PCDHGA8: variants seen among roughly 807,000 people sequenced by gnomAD.
The protein encoded by PCDHGA8 is protocadherin gamma subfamily A, 8, also known as protocadherin gamma-A8.
In PCDHGA8, 45 loss-of-function variants were observed where a neutral mutation model predicts 59.2. That is an observed-to-expected ratio of 0.76 (90% confidence interval 0.60 to 0.98). The LOEUF is 0.98. PCDHGA8 is among the 50% of genes least tolerant of loss of function. The probability of loss-of-function intolerance (pLI) is 0.00; values close to 1 mark genes in which losing one functional copy is unlikely to be tolerated. For missense variants in PCDHGA8, 1,257 were observed against 1,196.2 expected (o/e 1.05, Z -0.75); for synonymous variants, 531 against 519.0 (o/e 1.02, Z -0.32).
intron 1 of PCDHGA8, among the ~76,000 whole-genome samples, chr5:141,438,619 TATATATATATATATATAC>T (rs1380852637): frequency 0.021 from 829 of 39,644 alleles, 15 homozygotes; most frequent in East Asian, 0.054. Context: ...TATATATATA[TATATATATATATATATAC>T]ACACACACAC....
chr5:141,508,777 AG>A (rs1428861784), intron 3 of PCDHGA8, among the ~76,000 whole-genome samples: 3 of 150,778 alleles, frequency 2.0e-5, no homozygotes, highest in Non-Finnish European at 4.4e-5. Context: ...TCCCCCCTCT[AG>A]CCCCTAAATC....
At chr5:141,410,473 A>G (rs1347318074) in intron 1 of PCDHGA8, 1 of 1,614,028 alleles carries the variant, frequency 6.2e-7, no homozygotes, top group East Asian at 2.2e-5. Context: ...TGTGCATTGC[A>G]CATACGGGTA....
In PCDHGA8 at chr5:141,410,849, CTTTTTTT is replaced by C. The variant is rs759346998; in HGVS notation, c.2424+15628_2424+15634del. 8.7e-3 allele frequency: 1,205 copies of C among 138,184 alleles called. 49 individuals are homozygous for C. Among genetic ancestry groups the C allele is most frequent in the African/African-American group, 0.064 (1,073 of 16,650 alleles). 8.6% of individuals were successfully genotyped at this position (138,184 alleles called of 1,614,324 possible). ...CAGACTGAAGATATTTTGTCTTTGT[CTTTTTTT>C]TTTTTTTTTTTTTTTGAGATGGAGT... is the stretch of plus-strand genomic sequence containing the variant. On this transcript the variant is annotated intron_variant, in intron 1 of 3. Coordinates refer to ENST00000398604, the MANE Select transcript of PCDHGA8 (RefSeq NM_032088.2).
At position 141,394,250 on chromosome 5, in the gene PCDHGA8, C is replaced by T. The variant is rs749533197; in HGVS notation, c.1437C>T (p.Pro479=). Residue 479 remains proline (P), a synonymous_variant, in exon 1 of 4, where the codon CCC becomes CCT. Transcript: ENST00000398604. ...TCTTTTCCTTGACTGCACACGACCCCGACAGCCAGGAGAATGCCCAGGTCA... is the reference window on the plus strand; with the variant it reads ...TCTTTTCCTTGACTGCACACGACCCTGACAGCCAGGAGAATGCCCAGGTCA... The part of the protein sequence containing the change: ...ASIFSLTAHD[P]DSQENAQVTY... 9.3e-6 allele frequency: 15 copies of T among 1,613,784 alleles called. No homozygotes were observed. Among genetic ancestry groups the T allele is most frequent in the Non-Finnish European group, 1.0e-5 (12 of 1,179,876 alleles).
chr5:141,477,639 G>T lies in PCDHGA8; in HGVS notation c.2425-17168G>T, dbSNP rs2099414883. ...GGAGCTGAAACCGGGCTAGTGGGTCGCTATTTCACAATAAATCGTGACAAT... is the reference window on the plus strand; with the variant it reads ...GGAGCTGAAACCGGGCTAGTGGGTCTCTATTTCACAATAAATCGTGACAAT... On this transcript the variant is annotated intron_variant, in intron 1 of 3. Transcript: ENST00000398604. The surrounding 1 kb of genome is among the most constrained non-coding windows in gnomAD (Gnocchi z 4.9). 3.1e-6 allele frequency: 5 copies of T among 1,614,004 alleles called. No homozygotes were observed. Among genetic ancestry groups the T allele is most frequent in the Non-Finnish European group, 4.2e-6 (5 of 1,180,034 alleles).
chr5:141,407,169 G>A (rs946090447), intron 1 of PCDHGA8, among the ~76,000 whole-genome samples: 3 of 152,146 alleles, frequency 2.0e-5, no homozygotes, highest in Non-Finnish European at 4.4e-5. Flanking sequence ...AATCCTTTAT[G>A]ACATACAGAC....
chr5:141,413,639 GT>G, intron 1 of PCDHGA8: 1 of 1,613,854 alleles, frequency 6.2e-7, no homozygotes, highest in South Asian at 1.1e-5. Context: ...GCGGGAATGC[GT>G]TTTCCTCTCC....
intron 1 of PCDHGA8, among the ~76,000 whole-genome samples, chr5:141,448,784 C>CAA (rs576464275): frequency 4.8e-5 from 7 of 145,806 alleles, no homozygotes; most frequent in East Asian, 2.0e-4. Context: ...ACTAAAAATA[C>CAA]AAAAAAAAAA....
In PCDHGA8 at chr5:141,433,177, A is replaced by T; in HGVS notation, c.2424+37940A>T. 1.9e-6 allele frequency: 3 copies of T among 1,608,174 alleles called. No homozygotes were observed. The Middle Eastern group carries it at 5.0e-4, about 267-fold the overall frequency. Reference sequence around the variant, plus strand: ...TATTTTCTAAAGACAGTCATGGGTTAATTGAGGTGAGTTTATATCAAATCT... The same window carrying T: ...TATTTTCTAAAGACAGTCATGGGTTTATTGAGGTGAGTTTATATCAAATCT... On this transcript the variant is annotated intron_variant, in intron 1 of 3. Coordinates refer to ENST00000398604, the MANE Select transcript of PCDHGA8 (RefSeq NM_032088.2).
chr5:141,394,158 C>G lies in PCDHGA8; in HGVS notation c.1345C>G (p.Pro449Ala), dbSNP rs777816337. 1.2e-5 allele frequency: 19 copies of G among 1,613,726 alleles called. No homozygotes were observed. The Admixed American group carries it at 2.0e-4, about 17-fold the overall frequency. The change falls in exon 1 of 4, where the codon CCT becomes GCT. Residue 449 changes from proline to alanine, a missense_variant. Pro to Ala is a conservative substitution (Grantham distance 27). Transcript: ENST00000398604. The part of the protein sequence containing the change: ...ALHVADINDN[P>A]PTFPHASYSA... ...GCACGTGGCAGACATTAACGACAAC[C>G]CTCCTACTTTCCCTCATGCCTCCTA...
Position 141,490,583 on chromosome 5 carries a change from A to G in PCDHGA8, c.2425-4224A>G, listed in dbSNP as rs2099701693. ...ATCAGGCTCAACATTTCAGATGTCAATGACAATGCACCCCGCTTCAACCAG... is the reference window on the plus strand; with the variant it reads ...ATCAGGCTCAACATTTCAGATGTCAGTGACAATGCACCCCGCTTCAACCAG... On this transcript the variant is annotated intron_variant, in intron 1 of 3. Coordinates refer to ENST00000398604, the MANE Select transcript of PCDHGA8 (RefSeq NM_032088.2). This position sits in a 1 kb window ranked among gnomAD's most constrained non-coding sequence, Gnocchi z 5.4. 2.5e-6 allele frequency: 4 copies of G among 1,614,138 alleles called. No homozygotes were observed. Among genetic ancestry groups the G allele is most frequent in the African/African-American group, 1.3e-5 (1 of 75,032 alleles).
chr5:141,438,767 T>C (rs1478209487), intron 1 of PCDHGA8, among the ~76,000 whole-genome samples: 2 of 148,566 alleles, frequency 1.3e-5, no homozygotes, highest in Non-Finnish European at 3.0e-5. Flanking sequence ...GTTCAAGCGA[T>C]TCTCCTGCCT....
chr5:141,431,333 C>G lies in PCDHGA8; in HGVS notation c.2424+36096C>G. 1.2e-6 allele frequency: 2 copies of G among 1,614,058 alleles called. No individual in the cohort carries two copies. The highest frequency in any genetic ancestry group is 2.2e-5 in the South Asian group (2 of 91,088). Reference sequence around the variant, plus strand: ...AAATGGAGCCGACGGTAGTAAGTACCCCGAATTGGTGCTGAAACGCGCCCT... The same window carrying G: ...AAATGGAGCCGACGGTAGTAAGTACGCCGAATTGGTGCTGAAACGCGCCCT... On this transcript the variant is annotated intron_variant, in intron 1 of 3. Coordinates refer to ENST00000398604, the MANE Select transcript of PCDHGA8 (RefSeq NM_032088.2). The surrounding 1 kb of genome is among the most constrained non-coding windows in gnomAD (Gnocchi z 4.8).
Position 141,393,196 on chromosome 5 carries a change from A to G in PCDHGA8, c.383A>G (p.Asp128Gly), listed in dbSNP as rs369051018. 9.7e-5 allele frequency: 157 copies of G among 1,613,374 alleles called. No individual in the cohort carries two copies. The highest frequency in any genetic ancestry group is 1.3e-4 in the Non-Finnish European group (149 of 1,179,898). Residue 128 changes from aspartate to glycine, a missense_variant, in exon 1 of 4, where the codon GAT becomes GGT. Physicochemically the swap from Asp to Gly is moderately conservative, Grantham distance 94. Coordinates refer to ENST00000398604, the MANE Select transcript of PCDHGA8 (RefSeq NM_032088.2). The part of the protein sequence containing the change: ...GVEIEIIDIN[D>G]NNPKFQVEDL... ...GAAATAGAAATAATTGATATTAACG[A>G]TAATAACCCAAAATTCCAGGTCGAA...
Position 141,500,858 on chromosome 5 carries a change from A to G in PCDHGA8, c.2484-4535A>G, listed in dbSNP as rs1160743056. Among the ~76,000 whole-genome samples the G allele has an allele frequency of 3.3e-5, 5 of 150,740 alleles. No individual in the cohort carries two copies. The South Asian group carries it at 1.0e-3, about 32-fold the overall frequency. ...TAATGGGCTTTTGCTACATTAGAAA[A>G]CATACACATTCATTTACAATTTTTT... On this transcript the variant is annotated intron_variant, in intron 2 of 3. Coordinates refer to ENST00000398604, the MANE Select transcript of PCDHGA8 (RefSeq NM_032088.2).
intron 1 of PCDHGA8, chr5:141,413,279 TCTC>T (rs759727755): frequency 2.4e-5 from 39 of 1,613,826 alleles, no homozygotes; most frequent in Non-Finnish European, 3.1e-5. Flanking sequence ...GCCCGGCAGA[TCTC>T]CTACTCAATT....
At position 141,431,391 on chromosome 5, in the gene PCDHGA8, T is replaced by C; in HGVS notation, c.2424+36154T>C. Reference sequence around the variant, plus strand: ...GAAGAAAAGGCTGCTCACCACCTGGTCCTTACGGCCTCCGACGGGGGCGAC... The same window carrying C: ...GAAGAAAAGGCTGCTCACCACCTGGCCCTTACGGCCTCCGACGGGGGCGAC... On this transcript the variant is annotated intron_variant, in intron 1 of 3. Transcript: ENST00000398604. The surrounding 1 kb of genome is among the most constrained non-coding windows in gnomAD (Gnocchi z 4.8). 1 of 1,613,852 alleles carries C rather than the reference T, an allele frequency of 6.2e-7. No homozygotes were observed.
intron 2 of PCDHGA8, among the ~76,000 whole-genome samples, chr5:141,501,877 A>G (rs1267260445): frequency 1.3e-5 from 2 of 151,690 alleles, no homozygotes; most frequent in East Asian, 3.9e-4. Flanking sequence ...GCCTCCTTAC[A>G]CTCCTGATCA....
chr5:141,421,562 A>G (rs1326874908), intron 1 of PCDHGA8: 1 of 1,613,992 alleles, frequency 6.2e-7, no homozygotes, highest in South Asian at 1.1e-5. Context: ...CTTCTCGTGG[A>G]AGACACCTTG....
Sources: allele counts gnomAD v4.1 joint callset (sites outside exome capture counted in the v4.1 genomes callset), GRCh38; gene constraint gnomAD v4.1.1; non-coding constraint Gnocchi (gnomAD v3.1); transcripts MANE v1.5; gene names NCBI Gene and HGNC (gene_info 2026-07-23, HGNC 2026-07-21).